Variants in LITAF observed in about 807,000 individuals in gnomAD.
LITAF encodes the protein lipopolysaccharide-induced tumor necrosis factor-alpha factor.
A neutral mutation model predicts 14.5 loss-of-function variants in LITAF; 9 were observed. The observed-to-expected ratio is 0.62, with a 90% CI of 0.37 to 1.08. The LOEUF (loss-of-function observed/expected upper bound fraction) is 1.08, where lower values mean the gene tolerates loss of function less well. Among genes scored for constraint, LITAF ranks in the 50% least tolerant of loss-of-function variants. The probability of loss-of-function intolerance (pLI) is 0.01; values close to 1 mark genes in which losing one functional copy is unlikely to be tolerated. For synonymous variants in LITAF, 98 were observed against 88.2 expected, an observed-to-expected ratio of 1.11 and a Z score of -0.62; for missense variants, 206 against 213.4, an observed-to-expected ratio of 0.97 and a Z score of 0.22.
chr16:11,549,017 T>C lies in LITAF; in HGVS notation c.*620A>G, dbSNP rs1438498771. The stretch of plus-strand genomic sequence containing the variant: ...GCATGCATTTACGACCTTGTGGATA[T>C]GTCTGTACTGGGTGTTAATAGCCCC... On this transcript the variant is annotated 3_prime_UTR_variant, in exon 4 of 4. Coordinates refer to ENST00000622633, the MANE Select transcript of LITAF (RefSeq NM_001136472.2). This position sits in a 1 kb window ranked among gnomAD's most constrained non-coding sequence, Gnocchi z 4.6. The C allele has an allele frequency of 4.4e-6, 2 of 453,500 alleles. No homozygotes were observed. Among genetic ancestry groups the C allele is most frequent in the Admixed American group, 2.4e-5 (1 of 42,488 alleles). The allele number at this position is 453,500 out of a possible 1,614,324, so 28.1% of individuals were successfully genotyped here. A position where few individuals can be genotyped will look rare whatever the true frequency, so the allele number is the denominator to read the frequency against.
Position 11,606,927 on chromosome 16 carries a change from C to T in LITAF, c.85+26606G>A, listed in dbSNP as rs556165950. On this transcript the variant is annotated intron_variant, in intron 3 of 3. Coordinates refer to the LITAF transcript ENST00000574848. Reference sequence around the variant, plus strand: ...GTGCTGGGATTACAAGCGTGAGCCACTGCGCCCGGCCTACTTCACTGTATC... The same window carrying T: ...GTGCTGGGATTACAAGCGTGAGCCATTGCGCCCGGCCTACTTCACTGTATC... Among the ~76,000 whole-genome samples, 53 of 152,354 alleles carry T rather than the reference C, an allele frequency of 3.5e-4. No homozygotes were observed. The South Asian group carries it at 0.011, about 32-fold the overall frequency.
In LITAF at chr16:11,548,071, T is replaced by A. The variant is rs1042033587; in HGVS notation, c.*1566A>T. On this transcript the variant is annotated 3_prime_UTR_variant, in exon 4 of 4. Transcript: ENST00000622633. ...AGTACTATGTGGTATCCATATTCGT[T>A]GCAAAAATGATAATTACTGGAATTT... 2.2e-6 allele frequency: 1 copy of A among 453,986 alleles called. No homozygotes were observed. Among genetic ancestry groups the A allele is most frequent in the Admixed American group, 2.3e-5 (1 of 42,560 alleles). The allele number at this position is 453,986 out of a possible 1,614,324, so 28.1% of individuals were successfully genotyped here.
chr16:11,613,538 G>C (rs908914897), intron 3 of LITAF, among the ~76,000 whole-genome samples: 1 of 152,214 alleles, frequency 6.6e-6, no homozygotes, highest in East Asian at 1.9e-4. Flanking sequence ...TCCCTAGAAC[G>C]GACAACTCCT....
intron 1 of LITAF, among the ~76,000 whole-genome samples, chr16:11,583,422 TC>T (rs776590673): frequency 6.6e-6 from 1 of 152,186 alleles, no homozygotes; most frequent in Non-Finnish European, 1.5e-5. Context: ...TCACAGTTTT[TC>T]ATCAAACAGT....
rs2141681215 is a variant in LITAF, at chr16:11,549,537, G to A, written c.*100C>T. The A allele has an allele frequency of 4.7e-6, 4 of 859,028 alleles. No individual in the cohort carries two copies. The highest frequency in any genetic ancestry group is 5.8e-6 in the Non-Finnish European group (3 of 517,656). 53.2% of individuals were successfully genotyped at this position (859,028 alleles called of 1,614,324 possible). ...GACATGAAGGTGGGCCCCCTGGAGA[G>A]GTGAGACCACCAGGGCAGAACCTCC... On this transcript the variant is annotated 3_prime_UTR_variant, in exon 4 of 4. Transcript: ENST00000622633. The surrounding 1 kb of genome is among the most constrained non-coding windows in gnomAD (Gnocchi z 4.6).
At chr16:11,571,718 T>C (rs2064543736) in intron 1 of LITAF, among the ~76,000 whole-genome samples, 1 of 152,160 alleles carries the variant, frequency 6.6e-6, no homozygotes, top group Non-Finnish European at 1.5e-5. Flanking sequence ...GTGGGCCCTG[T>C]GGTCTCTGGG....
intron 1 of LITAF, among the ~76,000 whole-genome samples, chr16:11,574,224 T>C (rs373678449): frequency 6.6e-6 from 1 of 152,010 alleles, no homozygotes; most frequent in African/African-American, 2.4e-5. Context: ...TTATTTTTTG[T>C]AGAGACGGGG....
At chr16:11,566,680 C>G (rs938737646) in intron 1 of LITAF, among the ~76,000 whole-genome samples, 2 of 152,024 alleles carry the variant, frequency 1.3e-5, no homozygotes, top group African/African-American at 2.4e-5. Context: ...AGGAGGATCC[C>G]TCGATCACTT....
intron 3 of LITAF, among the ~76,000 whole-genome samples, chr16:11,628,390 T>A (rs2065097671): frequency 6.6e-6 from 1 of 152,186 alleles, no homozygotes; most frequent in South Asian, 2.1e-4. Flanking sequence ...CCAACCCAGA[T>A]CAACACCCAG....
chr16:11,575,200 C>T (rs551719788), intron 1 of LITAF, among the ~76,000 whole-genome samples: 1 of 152,256 alleles, frequency 6.6e-6, no homozygotes, highest in South Asian at 2.1e-4. Context: ...TGTGGACCCT[C>T]CCTTGCCGGC....
At chr16:11,623,982 T>G (rs918051811) in intron 3 of LITAF, among the ~76,000 whole-genome samples, 1 of 151,672 alleles carries the variant, frequency 6.6e-6, no homozygotes, top group Non-Finnish European at 1.5e-5. Context: ...AAAATTTTTT[T>G]AAAAGAAGAA....
chr16:11,571,171 G>A (rs538745717), intron 1 of LITAF, among the ~76,000 whole-genome samples: 15 of 152,194 alleles, frequency 9.9e-5, no homozygotes, highest in African/African-American at 3.4e-4. Flanking sequence ...AGGTTCAAGC[G>A]ATTCTCCTGC....
chr16:11,578,532 T>G (rs552130344), intron 1 of LITAF, among the ~76,000 whole-genome samples: 1 of 152,132 alleles, frequency 6.6e-6, no homozygotes, highest in South Asian at 2.1e-4. Context: ...ACTCCATCTA[T>G]GAAAAGGGAA....
At chr16:11,597,720 G>C (rs542672364) in intron 1 of LITAF, among the ~76,000 whole-genome samples, 18 of 152,234 alleles carry the variant, frequency 1.2e-4, no homozygotes, top group African/African-American at 3.6e-4. Flanking sequence ...CCAACTCACA[G>C]AACAGAAACA....
upstream of LITAF, among the ~76,000 whole-genome samples, chr16:11,639,761 G>A (rs900406762): frequency 3.3e-5 from 5 of 152,114 alleles, no homozygotes; most frequent in Non-Finnish European, 5.9e-5. Flanking sequence ...TTGGGAGGCC[G>A]AGGAGGGCGG....
rs756124744 is a variant in LITAF at position 11,549,558 on chromosome 16, C to A, written c.*79G>T. ...GAGAGGTGAGACCACCAGGGCAGAA[C>A]CTCCACCAGGCGTGAAGCTGGATGA... On this transcript the variant is annotated 3_prime_UTR_variant, in exon 4 of 4. Transcript: ENST00000622633. The surrounding 1 kb of genome is among the most constrained non-coding windows in gnomAD (Gnocchi z 4.6). The A allele has an allele frequency of 1.8e-6, 2 of 1,090,006 alleles. No homozygotes were observed. The highest frequency in any genetic ancestry group is 1.3e-5 in the South Asian group (1 of 74,970). 67.5% of individuals were successfully genotyped at this position (1,090,006 alleles called of 1,614,324 possible). A position where few individuals can be genotyped will look rare whatever the true frequency, so the allele number is the denominator to read the frequency against.
intron 1 of LITAF, among the ~76,000 whole-genome samples, chr16:11,567,346 GGAGATGGAGATTGCAGTGAGCT>G (rs2064467063): frequency 6.6e-6 from 1 of 151,972 alleles, no homozygotes; most frequent in African/African-American, 2.4e-5. Flanking sequence ...CTTGAGCCCA[GGAGATGGAGATTGCAGTGAGCT>G]GAGATCGTGC....
chr16:11,611,566 A>G (rs2064982126), intron 3 of LITAF, among the ~76,000 whole-genome samples: 2 of 151,958 alleles, frequency 1.3e-5, no homozygotes, highest in South Asian at 2.1e-4. Context: ...ACCACCTACT[A>G]TTGCCTGGAA....
chr16:11,550,524 C>G (rs2064166960), intron 3 of LITAF, among the ~76,000 whole-genome samples: 1 of 152,200 alleles, frequency 6.6e-6, no homozygotes, highest in African/African-American at 2.4e-5. Context: ...TGCCAAGGCT[C>G]CTCCTACAGA....
Sources: gnomAD v4.1 joint callset for allele counts (sites outside exome capture counted in the v4.1 genomes callset) on GRCh38, gnomAD v4.1.1 for gene constraint, Gnocchi (gnomAD v3.1) non-coding constraint, MANE v1.5 for transcripts, NCBI Gene and HGNC (gene_info 2026-07-23, HGNC 2026-07-21) for gene names.